PRR16: variants seen among roughly 807,000 people sequenced by gnomAD.
The protein encoded by PRR16 is protein Largen.
In PRR16, 6 loss-of-function variants were observed where a neutral mutation model predicts 18.2. The ratio of observed to expected loss-of-function variants is 0.33; its 90% CI spans 0.18 to 0.65. PRR16 has a LOEUF of 0.65. Ranked by LOEUF, PRR16 falls within the 30% of genes least tolerant of loss-of-function variation. The pLI, the probability that PRR16 is intolerant of heterozygous loss-of-function variation, is 0.74. For synonymous variants in PRR16, 151 were observed against 147.8 expected, an observed-to-expected ratio of 1.02 and a Z score of -0.16; for missense variants, 412 against 376.6, an observed-to-expected ratio of 1.09 and a Z score of -0.78.
At chr5:120,520,060 A>T (rs928333758) in intron 1 of PRR16, among the ~76,000 whole-genome samples, 9 of 152,290 alleles carry the variant, frequency 5.9e-5, no homozygotes, top group African/African-American at 2.2e-4. Context: ...TGAAAGCACA[A>T]TAGGTTTATT....
chr5:120,617,698 GAT>G (rs1344668581), intron 1 of PRR16, among the ~76,000 whole-genome samples: 1 of 151,988 alleles, frequency 6.6e-6, no homozygotes, highest in Non-Finnish European at 1.5e-5. Context: ...TTTTATAAAA[GAT>G]ATGATAATTT....
chr5:120,739,388 C>T, the PRR16 span, among the ~76,000 whole-genome samples: 2 of 152,120 alleles, frequency 1.3e-5, no homozygotes, highest in African/African-American at 4.8e-5. Flanking sequence ...AACTGCAGAT[C>T]ACAAGCCTTT....
intron 1 of PRR16, among the ~76,000 whole-genome samples, chr5:120,485,469 G>A (rs2124165): frequency 1 from 152,336 of 152,338 alleles, 76,167 homozygotes; most frequent in Non-Finnish European, 1. Flanking sequence ...AGACATTGAC[G>A]TGATTATCTA....
At chr5:120,609,197 G>A (rs1014016438) in intron 1 of PRR16, among the ~76,000 whole-genome samples, 4 of 151,482 alleles carry the variant, frequency 2.6e-5, no homozygotes, top group African/African-American at 9.7e-5. Context: ...AAAAATTATG[G>A]TTAGATATAT....
chr5:120,761,147 C>G, the PRR16 span, among the ~76,000 whole-genome samples: 1 of 151,914 alleles, frequency 6.6e-6, no homozygotes, highest in African/African-American at 2.4e-5. Flanking sequence ...CAAGGCCCTC[C>G]TGTATCTATT....
chr5:120,726,452 T>TACCCC, the PRR16 span, among the ~76,000 whole-genome samples: 1 of 152,018 alleles, frequency 6.6e-6, no homozygotes, highest in Non-Finnish European at 1.5e-5. Context: ...TTTTTTAAAA[T>TACCCC]ACAGATATTT....
chr5:120,686,740 T>G lies in PRR16; in HGVS notation c.*31T>G, dbSNP rs1561617538. 2 of 1,384,812 alleles carry G rather than the reference T, an allele frequency of 1.4e-6. No homozygotes were observed. The highest frequency in any genetic ancestry group is 1.9e-6 in the Non-Finnish European group (2 of 1,052,308). The allele number at this position is 1,384,812 out of a possible 1,614,324, so 85.8% of individuals were successfully genotyped here. ...GCCATTAAAAAAATTGTTTTTTTAA[T>G]TTTCTATATTATAAACATAAAATAA... On this transcript the variant is annotated 3_prime_UTR_variant, in exon 2 of 2. Transcript: ENST00000407149.
intron 1 of PRR16, among the ~76,000 whole-genome samples, chr5:120,636,855 C>T (rs1755243909): frequency 6.6e-6 from 1 of 151,930 alleles, no homozygotes; most frequent in South Asian, 2.1e-4. Context: ...AACAGCCAAC[C>T]CACAGAGTGA....
chr5:120,655,379 T>TA (rs1188020377), intron 1 of PRR16, among the ~76,000 whole-genome samples: 3 of 87,022 alleles, frequency 3.4e-5, no homozygotes, highest in Non-Finnish European at 8.2e-5. Context: ...TTGACCTTTT[T>TA]TTTTTTTTTA....
At chr5:120,766,677 G>A in the PRR16 span, among the ~76,000 whole-genome samples, 14 of 151,802 alleles carry the variant, frequency 9.2e-5, no homozygotes, top group East Asian at 1.9e-4. Flanking sequence ...GCACAAGACC[G>A]TTATTTTTCC....
chr5:120,591,135 C>T (rs1161343328), intron 1 of PRR16, among the ~76,000 whole-genome samples: 4 of 151,682 alleles, frequency 2.6e-5, no homozygotes, highest in Middle Eastern at 3.4e-3. Context: ...AAATATTAGC[C>T]GGGTGTGGTG....
Position 120,651,106 on chromosome 5 carries a change from T to G in PRR16, c.160-34848T>G, listed in dbSNP as rs1176691217. Among the ~76,000 whole-genome samples, 7 of 152,252 alleles carry G rather than the reference T, an allele frequency of 4.6e-5. No individual in the cohort carries two copies. In the South Asian group the frequency reaches 1.0e-3, roughly 23 times the overall value. On this transcript the variant is annotated intron_variant, in intron 1 of 1. Transcript: ENST00000407149. ...ATGATGAGCATTTTTTCATGTGTCT[T>G]TTGGCTGCATAAATGTCTTCTTTTG...
chr5:120,525,539 C>G, intron 1 of PRR16, among the ~76,000 whole-genome samples: 1 of 150,976 alleles, frequency 6.6e-6, no homozygotes, highest in East Asian at 1.9e-4. Flanking sequence ...GTTCCACAGA[C>G]TACTATGAAT....
chr5:120,591,171 C>T (rs1055178261), intron 1 of PRR16, among the ~76,000 whole-genome samples: 1 of 151,670 alleles, frequency 6.6e-6, no homozygotes, highest in African/African-American at 2.4e-5. Context: ...CCCAGCTACT[C>T]GGGAGGCTGA....
chr5:120,546,539 T>C (rs969265195), intron 1 of PRR16, among the ~76,000 whole-genome samples: 2 of 152,134 alleles, frequency 1.3e-5, no homozygotes, highest in African/African-American at 4.8e-5. Context: ...GATTGCTATA[T>C]AGTTTGAAAT....
intron 1 of PRR16, among the ~76,000 whole-genome samples, chr5:120,651,163 T>A (rs1376898689): frequency 6.6e-6 from 1 of 152,124 alleles, no homozygotes; most frequent in Non-Finnish European, 1.5e-5. Context: ...TCGCCCACTT[T>A]TTGATGGGGT....
intron 1 of PRR16, among the ~76,000 whole-genome samples, chr5:120,535,248 A>G (rs1006904357): frequency 6.6e-6 from 1 of 152,128 alleles, no homozygotes; most frequent in African/African-American, 2.4e-5. Flanking sequence ...TTTTTAAAAA[A>G]CTTTTTATTT....
At chr5:120,499,010 C>T (rs1226510520) in intron 1 of PRR16, among the ~76,000 whole-genome samples, 1 of 151,436 alleles carries the variant, frequency 6.6e-6, no homozygotes, top group Admixed American at 6.6e-5. Flanking sequence ...TGGATTTCTT[C>T]AGATTTATCC....
rs181983006 is a variant in PRR16, at chr5:120,643,576, A to G, written c.160-42378A>G. Among the ~76,000 whole-genome samples, 3 of 152,288 alleles carry G rather than the reference A, an allele frequency of 2.0e-5. No homozygotes were observed. The East Asian group carries it at 5.8e-4, about 29-fold the overall frequency. On this transcript the variant is annotated intron_variant, in intron 1 of 1. Transcript: ENST00000407149. ...TATCTTTTTTAACTATTAAAACCTG[A>G]TGAATATTACAGGATATGTCCTAAA...
Sources: gnomAD v4.1 joint callset for allele counts (sites outside exome capture counted in the v4.1 genomes callset) on GRCh38, gnomAD v4.1.1 for gene constraint, MANE v1.5 for transcripts, NCBI Gene and HGNC (gene_info 2026-07-23, HGNC 2026-07-21) for gene names.